MDGA2: variants seen among roughly 807,000 people sequenced by gnomAD.
MDGA2 encodes MAM domain containing glycosylphosphatidylinositol anchor 2.
Under a neutral mutation model 117.8 loss-of-function variants are expected in MDGA2, and 40 were observed. The ratio of observed to expected loss-of-function variants is 0.34; its 90% confidence interval spans 0.26 to 0.44. The LOEUF (loss-of-function observed/expected upper bound fraction) is 0.44. MDGA2 is among the 20% of genes least tolerant of loss of function. The pLI, the probability that MDGA2 is intolerant of heterozygous loss-of-function variation, is 1.00. For synonymous variants in MDGA2, 452 were observed against 439.0 expected, an observed-to-expected ratio of 1.03 and a Z score of -0.37; for missense variants, 1,123 against 1,250.6, an observed-to-expected ratio of 0.90 and a Z score of 1.54.
chr14:47,378,288 A>C (rs1891527343), intron 1 of MDGA2, among the ~76,000 whole-genome samples: 1 of 152,206 alleles, frequency 6.6e-6, no homozygotes, highest in South Asian at 2.1e-4. Flanking sequence ...GAAAATTCTA[A>C]AAATCAGAGC....
chr14:47,204,941 G>A (rs1018356082), intron 3 of MDGA2, among the ~76,000 whole-genome samples: 30 of 151,870 alleles, frequency 2.0e-4, no homozygotes, highest in African/African-American at 6.5e-4. Context: ...ACTTAAATTG[G>A]AGTGGCCTAA....
chr14:47,509,852 G>C (rs973094474), intron 1 of MDGA2, among the ~76,000 whole-genome samples: 3 of 152,130 alleles, frequency 2.0e-5, no homozygotes, highest in Non-Finnish European at 4.4e-5. Context: ...ACAGCAATTT[G>C]CCTAGGGATG....
In MDGA2 at chr14:46,940,963, T is replaced by C. The variant is rs548512225; in HGVS notation, c.2089+16411A>G. ...GAACATTTATTTTCTGCAAAACATA[T>C]AACTTGAGTTAATAAAGTAGATTTA... is the stretch of plus-strand genomic sequence containing the variant. On this transcript the variant is annotated intron_variant, in intron 9 of 16. Coordinates refer to ENST00000399232, the MANE Select transcript of MDGA2 (RefSeq NM_001113498.3). Among the ~76,000 whole-genome samples the C allele has an allele frequency of 5.3e-5, 8 of 152,306 alleles. No homozygotes were observed. In the East Asian group the frequency reaches 1.5e-3, roughly 29 times the overall value.
chr14:47,499,383 TTA>T (rs1425138646), intron 1 of MDGA2, among the ~76,000 whole-genome samples: 8 of 152,106 alleles, frequency 5.3e-5, no homozygotes, highest in Non-Finnish European at 1.5e-5. Flanking sequence ...GAAAACTAGT[TTA>T]TATGTCTATG....
intron 1 of MDGA2, among the ~76,000 whole-genome samples, chr14:47,459,601 T>C (rs756937836): frequency 6.6e-6 from 1 of 151,870 alleles, no homozygotes; most frequent in Admixed American, 6.6e-5. Flanking sequence ...TCTTTTCTGC[T>C]TTCTCCTTTG....
intron 16 of MDGA2, among the ~76,000 whole-genome samples, chr14:46,843,343 G>A (rs1015804952): frequency 6.6e-5 from 10 of 151,848 alleles, no homozygotes; most frequent in African/African-American, 2.4e-4. Flanking sequence ...TAATATTTGT[G>A]CTTACATTAT....
At chr14:46,982,704 T>G (rs1327128565) in intron 8 of MDGA2, among the ~76,000 whole-genome samples, 1 of 22,994 alleles carries the variant, frequency 4.3e-5, no homozygotes, top group Non-Finnish European at 7.1e-5. Context: ...GGAGACTCCA[T>G]CAAAAAAAAA....
intron 1 of MDGA2, among the ~76,000 whole-genome samples, chr14:47,499,045 T>C (rs931197543): frequency 6.6e-6 from 1 of 152,136 alleles, no homozygotes; most frequent in South Asian, 2.1e-4. Flanking sequence ...TTGTATTATA[T>C]GCCAATATGT....
chr14:47,507,118 G>A (rs113593352), intron 1 of MDGA2, among the ~76,000 whole-genome samples: 1 of 151,722 alleles, frequency 6.6e-6, no homozygotes, highest in Non-Finnish European at 1.5e-5. Flanking sequence ...GAGGATACAT[G>A]ATAATATCAA....
At chr14:47,141,288 T>C (rs928362907) in intron 4 of MDGA2, among the ~76,000 whole-genome samples, 3 of 152,170 alleles carry the variant, frequency 2.0e-5, no homozygotes, top group African/African-American at 7.2e-5. Context: ...GCAATCCTAC[T>C]GTTGGATAGA....
At chr14:47,578,105 C>T (rs1896149652) in intron 1 of MDGA2, among the ~76,000 whole-genome samples, 1 of 152,118 alleles carries the variant, frequency 6.6e-6, no homozygotes, top group Admixed American at 6.6e-5. Context: ...GGAATGAGAT[C>T]ATGTCCTTTT....
At chr14:47,099,435 T>C (rs1179605152) in intron 5 of MDGA2, among the ~76,000 whole-genome samples, 1 of 151,954 alleles carries the variant, frequency 6.6e-6, no homozygotes. Context: ...AGGAAAATAT[T>C]TCATATTGGA....
intron 11 of MDGA2, among the ~76,000 whole-genome samples, chr14:46,879,297 A>AT (rs1283341959): frequency 2.0e-5 from 3 of 152,056 alleles, no homozygotes; most frequent in Admixed American, 1.3e-4. Flanking sequence ...GAAGCTAACT[A>AT]TGCCAGTGCT....
At chr14:47,409,843 G>T (rs1023158057) in intron 1 of MDGA2, among the ~76,000 whole-genome samples, 1 of 152,104 alleles carries the variant, frequency 6.6e-6, no homozygotes, top group Non-Finnish European at 1.5e-5. Context: ...CGCTTTGTGG[G>T]TTGGAGCATT....
In MDGA2 at chr14:47,260,017, T is replaced by C. The variant is rs1051493335; in HGVS notation, c.420+41394A>G. ...TGAAGCTGGGGGCGGATGGGGAGCC[T>C]AGACAAAAAATAACTCTGCATCTCC... On this transcript the variant is annotated intron_variant, in intron 2 of 16. Transcript: ENST00000399232. Among the ~76,000 whole-genome samples the C allele has an allele frequency of 9.9e-5, 15 of 152,104 alleles. No homozygotes were observed. The South Asian group carries it at 1.2e-3, about 13-fold the overall frequency.
intron 4 of MDGA2, among the ~76,000 whole-genome samples, chr14:47,137,561 C>T (rs538904671): frequency 3.3e-5 from 5 of 152,116 alleles, no homozygotes; most frequent in Non-Finnish European, 5.9e-5. Flanking sequence ...CATACCAGCT[C>T]CCCTTTGCCT....
At position 47,252,796 on chromosome 14, in the gene MDGA2, C is replaced by G. The variant is rs554638746; in HGVS notation, c.421-34601G>C. 2.2e-4 allele frequency among the ~76,000 whole-genome samples: 34 copies of G among 152,238 alleles called. No homozygotes were observed. In the South Asian group the frequency reaches 6.6e-3, roughly 30 times the overall value. On this transcript the variant is annotated intron_variant, in intron 2 of 16. Transcript: ENST00000399232. ...CAATAAAGGAAGAAAATAACATGTACACGTGTATTAGTCCATTATCACACT... is the reference window on the plus strand; with the variant it reads ...CAATAAAGGAAGAAAATAACATGTAGACGTGTATTAGTCCATTATCACACT...
At chr14:47,106,616 CT>C (rs1277699534) in intron 5 of MDGA2, among the ~76,000 whole-genome samples, 2 of 152,078 alleles carry the variant, frequency 1.3e-5, no homozygotes, top group Non-Finnish European at 2.9e-5. Flanking sequence ...GGCTCTCTGA[CT>C]GACTCCTTCC....
At chr14:47,368,949 A>T (rs1891287537) in intron 1 of MDGA2, among the ~76,000 whole-genome samples, 1 of 152,160 alleles carries the variant, frequency 6.6e-6, no homozygotes, top group African/African-American at 2.4e-5. Context: ...AATTTTAAAT[A>T]CTTATTACTT....
Sources: allele counts gnomAD v4.1 joint callset (sites outside exome capture counted in the v4.1 genomes callset), GRCh38; gene constraint gnomAD v4.1.1; transcripts MANE v1.5; gene names NCBI Gene and HGNC (gene_info 2026-07-23, HGNC 2026-07-21).